Variants in ASCC3 observed in about 807,000 individuals in gnomAD.
The protein encoded by ASCC3 is activating signal cointegrator 1 complex subunit 3.
Under a neutral mutation model 256.3 loss-of-function variants are expected in ASCC3, and 158 were observed. The observed-to-expected ratio is 0.62, with a 90% CI of 0.54 to 0.70. The LOEUF is 0.70. Among genes scored for constraint, ASCC3 ranks in the 30% least tolerant of loss-of-function variants. ASCC3 has a pLI of 0.00. For synonymous variants in ASCC3, 948 were observed against 883.4 expected (o/e 1.07, Z -1.30); for missense variants, 2,259 against 2,626.0 (o/e 0.86, Z 3.05).
intron 8 of ASCC3, among the ~76,000 whole-genome samples, chr6:100,776,099 A>C (rs955212786): frequency 3.3e-5 from 5 of 152,114 alleles, no homozygotes; most frequent in African/African-American, 1.2e-4. Flanking sequence ...TGTTTTATTT[A>C]TATTTCCTGC....
intron 37 of ASCC3, among the ~76,000 whole-genome samples, chr6:100,535,151 C>A (rs1319012918): frequency 6.6e-6 from 1 of 152,148 alleles, no homozygotes; most frequent in Non-Finnish European, 1.5e-5. Flanking sequence ...GGAGAATTTA[C>A]AGTCAGAACT....
At position 100,509,354 on chromosome 6, in the gene ASCC3, C is replaced by A; in HGVS notation, c.*32G>T. The A allele has an allele frequency of 6.2e-7, 1 of 1,612,964 alleles. No homozygotes were observed. On this transcript the variant is annotated 3_prime_UTR_variant, in exon 42 of 42. Transcript: ENST00000369162. ...ATGACTGAACAGAGAGAATTCTTAG[C>A]CACTCCTTTCAAATGGATTGTTCAG... is the stretch of plus-strand genomic sequence containing the variant.
At chr6:100,551,227 A>T (rs1769283585) in intron 36 of ASCC3, among the ~76,000 whole-genome samples, 1 of 151,984 alleles carries the variant, frequency 6.6e-6, no homozygotes, top group Non-Finnish European at 1.5e-5. Flanking sequence ...GGACAGGTAT[A>T]CACAATGGTA....
At chr6:100,753,914 A>T (rs1271425059) in intron 10 of ASCC3, among the ~76,000 whole-genome samples, 1 of 152,172 alleles carries the variant, frequency 6.6e-6, no homozygotes, top group African/African-American at 2.4e-5. Context: ...AAAATATTTA[A>T]TATTAATTAC....
At chr6:100,830,987 C>T (rs1380933941) in intron 4 of ASCC3, among the ~76,000 whole-genome samples, 1 of 152,114 alleles carries the variant, frequency 6.6e-6, no homozygotes, top group Non-Finnish European at 1.5e-5. Flanking sequence ...AACATAACAT[C>T]ATGATTAATT....
intron 36 of ASCC3, among the ~76,000 whole-genome samples, chr6:100,559,900 C>G (rs1412211366): frequency 6.6e-6 from 1 of 151,038 alleles, no homozygotes; most frequent in African/African-American, 2.4e-5. Flanking sequence ...TCACTTAATT[C>G]TATTTTGAAA....
At chr6:100,757,124 T>C (rs1291976064) in intron 10 of ASCC3, among the ~76,000 whole-genome samples, 2 of 152,138 alleles carry the variant, frequency 1.3e-5, no homozygotes, top group Non-Finnish European at 2.9e-5. Context: ...TAAGTAGCTA[T>C]GGCTATTCTA....
Position 100,638,696 on chromosome 6 carries a change from A to C in ASCC3, c.4027T>G (p.Cys1343Gly), listed in dbSNP as rs1375687080. The change falls in exon 25 of 42, where the codon TGT becomes GGT. Residue 1343 changes from cysteine to glycine, a missense_variant. Physicochemically the swap from Cys to Gly is radical, Grantham distance 159. Coordinates refer to ENST00000369162, the MANE Select transcript of ASCC3 (RefSeq NM_006828.4). ...QIFHTLYHTD[C>G]NVLLGAPTGS... ...GTAGGTGCTCCAAGTAGGACATTAC[A>C]ATCCGTGTGATACAATGTATGAAAT... 3 of 1,613,976 alleles carry C rather than the reference A, an allele frequency of 1.9e-6. No individual in the cohort carries two copies. The Admixed American group carries it at 5.0e-5, about 27-fold the overall frequency.
chr6:100,769,278 C>A (rs1781806177), intron 8 of ASCC3, among the ~76,000 whole-genome samples: 1 of 152,016 alleles, frequency 6.6e-6, no homozygotes, highest in South Asian at 2.1e-4. Context: ...TATAGTTAGA[C>A]AGGAAGATTA....
intron 36 of ASCC3, among the ~76,000 whole-genome samples, chr6:100,571,347 C>A (rs778112588): frequency 3.1e-4 from 47 of 152,180 alleles, no homozygotes; most frequent in Non-Finnish European, 5.3e-4. Context: ...CATAAACTAT[C>A]CTATTAATAA....
chr6:100,845,263 C>T (rs1160014377), intron 4 of ASCC3, among the ~76,000 whole-genome samples: 1 of 152,102 alleles, frequency 6.6e-6, no homozygotes, highest in Non-Finnish European at 1.5e-5. Flanking sequence ...CCATAAAATA[C>T]CTGCCACCAG....
chr6:100,582,821 C>T (rs940856675), intron 36 of ASCC3, among the ~76,000 whole-genome samples: 1 of 152,152 alleles, frequency 6.6e-6, no homozygotes, highest in Non-Finnish European at 1.5e-5. Context: ...TGTCAAAGGC[C>T]TTTCCTCCAT....
rs748971639 is a variant in ASCC3 at position 100,848,672 on chromosome 6, C to T, written c.277G>A (p.Gly93Arg). ...TDNGREAIES[G>R]AAFLFMTFHL... ...AATGTCATGAAGAGAAATGCAGCCC[C>T]ACTTTCAATTGCTTCTCTCCCATTA... is the stretch of plus-strand genomic sequence containing the variant. The change falls in exon 4 of 42, where the codon GGG (glycine) becomes AGG (arginine). Residue 93 changes from glycine to arginine, a missense_variant. Gly to Arg is a moderately radical substitution (Grantham distance 125). This residue lies in a region of ASCC3 where 420 missense variants were observed against 419.3 expected (regional missense o/e 1.00). Coordinates refer to ENST00000369162, the MANE Select transcript of ASCC3 (RefSeq NM_006828.4). 1 of 1,613,562 alleles carries T rather than the reference C, an allele frequency of 6.2e-7. No homozygotes were observed. Among genetic ancestry groups the T allele is most frequent in the South Asian group, 1.1e-5 (1 of 91,068 alleles).
At chr6:100,852,037 G>A (rs942743351) in intron 3 of ASCC3, among the ~76,000 whole-genome samples, 3 of 152,208 alleles carry the variant, frequency 2.0e-5, no homozygotes, top group African/African-American at 7.2e-5. Context: ...CTGGCTGTTA[G>A]CACGCTGCCC....
chr6:100,649,106 G>A (rs555734755), intron 20 of ASCC3, among the ~76,000 whole-genome samples: 1 of 151,846 alleles, frequency 6.6e-6, no homozygotes, highest in East Asian at 1.9e-4. Flanking sequence ...TGCATTCAGG[G>A]ATGCTAAATC....
At chr6:100,771,455 C>T (rs760608519) in intron 8 of ASCC3, among the ~76,000 whole-genome samples, 8 of 151,964 alleles carry the variant, frequency 5.3e-5, no homozygotes, top group Non-Finnish European at 1.2e-4. Flanking sequence ...CTTTAAGATA[C>T]TGTTAAGAAA....
intron 8 of ASCC3, among the ~76,000 whole-genome samples, chr6:100,791,484 C>T (rs1769348457): frequency 6.6e-6 from 1 of 151,918 alleles, no homozygotes; most frequent in African/African-American, 2.4e-5. Context: ...TCTCTGTATA[C>T]CCAAAACAGC....
At chr6:100,874,759 C>G (rs1773916921) in intron 1 of ASCC3, among the ~76,000 whole-genome samples, 1 of 151,876 alleles carries the variant, frequency 6.6e-6, no homozygotes, top group Non-Finnish European at 1.5e-5. Flanking sequence ...GCAGCTATAA[C>G]TGTAGGAAGA....
At chr6:100,511,721 A>C (rs1773774023) in intron 40 of ASCC3, among the ~76,000 whole-genome samples, 1 of 152,178 alleles carries the variant, frequency 6.6e-6, no homozygotes, top group Non-Finnish European at 1.5e-5. Context: ...TCAAAAAAAA[A>C]AGCTCATACT....
Sources: gnomAD v4.1 joint callset for allele counts (sites outside exome capture counted in the v4.1 genomes callset) on GRCh38, gnomAD v4.1.1 for gene constraint, gnomAD v4.1.1 regional missense constraint, MANE v1.5 for transcripts, NCBI Gene and HGNC (gene_info 2026-07-23, HGNC 2026-07-21) for gene names.